Variants in NKAIN2 observed in about 807,000 individuals in gnomAD.
The protein encoded by NKAIN2 is sodium/potassium-transporting ATPase subunit beta-1-interacting protein 2.
NKAIN2 carries 14 observed loss-of-function variants against 32.6 expected under a neutral mutation model. That is an observed-to-expected ratio of 0.43 (90% CI 0.28 to 0.67). The LOEUF is 0.67. NKAIN2 is among the 30% of genes least tolerant of loss of function. The pLI is 0.17. For synonymous variants in NKAIN2, 80 were observed against 87.2 expected (o/e 0.92, Z 0.46); for missense variants, 198 against 258.3 (o/e 0.77, Z 1.60).
At chr6:124,550,590 AG>A (rs1297144736) in intron 3 of NKAIN2, among the ~76,000 whole-genome samples, 3 of 152,146 alleles carry the variant, frequency 2.0e-5, no homozygotes, top group Non-Finnish European at 2.9e-5. Flanking sequence ...TTCCAGCCAC[AG>A]GGGTTGACTT....
At chr6:124,138,189 A>G (rs1269168948) in intron 1 of NKAIN2, among the ~76,000 whole-genome samples, 1 of 152,190 alleles carries the variant, frequency 6.6e-6, no homozygotes, top group African/African-American at 2.4e-5. Flanking sequence ...GTGAATAGAC[A>G]GTTCTCAAAA....
At chr6:124,376,971 G>T (rs897978954) in intron 3 of NKAIN2, among the ~76,000 whole-genome samples, 1 of 152,074 alleles carries the variant, frequency 6.6e-6, no homozygotes, top group South Asian at 2.1e-4. Flanking sequence ...AAGGAACTTT[G>T]GTATTGTCAG....
chr6:124,355,116 A>C, intron 2 of NKAIN2, 151 bp from the exon 3 acceptor site: 1 of 525,574 alleles, frequency 1.9e-6, no homozygotes, highest in South Asian at 3.1e-5. Flanking sequence ...AACAGAGATA[A>C]ACGTACATCT....
At chr6:123,872,571 A>G (rs1040255419) in intron 1 of NKAIN2, among the ~76,000 whole-genome samples, 1 of 152,216 alleles carries the variant, frequency 6.6e-6, no homozygotes, top group African/African-American at 2.4e-5. Context: ...TTGAGGATAT[A>G]TGAGCAGACC....
At chr6:124,548,389 A>T (rs1039170049) in intron 3 of NKAIN2, among the ~76,000 whole-genome samples, 1 of 152,240 alleles carries the variant, frequency 6.6e-6, no homozygotes, top group African/African-American at 2.4e-5. Context: ...GGCAGATAAC[A>T]TAATTAAGAT....
intron 2 of NKAIN2, among the ~76,000 whole-genome samples, chr6:124,344,521 T>G (rs9385322): frequency 0.32 from 47,809 of 149,582 alleles, 8,483 homozygotes; most frequent in South Asian, 0.45. Context: ...GCAGTGGTTT[T>G]TAGTTCTCCT....
At chr6:123,877,421 T>G (rs994309145) in intron 1 of NKAIN2, among the ~76,000 whole-genome samples, 1 of 152,238 alleles carries the variant, frequency 6.6e-6, no homozygotes, top group Admixed American at 6.5e-5. Flanking sequence ...AGAATACTTA[T>G]ATTTTATGAC....
At chr6:124,665,610 A>G (rs1772760418) in intron 4 of NKAIN2, among the ~76,000 whole-genome samples, 1 of 152,184 alleles carries the variant, frequency 6.6e-6, no homozygotes, top group African/African-American at 2.4e-5. Flanking sequence ...TGTAGGGACT[A>G]CATGGTACAC....
chr6:124,516,310 T>G (rs1778912211), intron 3 of NKAIN2, among the ~76,000 whole-genome samples: 1 of 152,152 alleles, frequency 6.6e-6, no homozygotes, highest in Non-Finnish European at 1.5e-5. Context: ...GAGATGAGGT[T>G]ATTTGAGGGT....
At chr6:123,868,549 G>A (rs551594684) in intron 1 of NKAIN2, among the ~76,000 whole-genome samples, 20 of 152,238 alleles carry the variant, frequency 1.3e-4, no homozygotes, top group African/African-American at 4.6e-4. Flanking sequence ...GAGTTTCTCA[G>A]TAATACATGA....
chr6:124,285,010 G>A (rs529207317), intron 2 of NKAIN2, among the ~76,000 whole-genome samples: 91 of 152,246 alleles, frequency 6.0e-4, no homozygotes, highest in Non-Finnish European at 1.1e-3. Flanking sequence ...TCTCTGGCAT[G>A]GGATAAGAGT....
chr6:124,299,618 A>T (rs1796216291), intron 2 of NKAIN2, among the ~76,000 whole-genome samples: 1 of 152,222 alleles, frequency 6.6e-6, no homozygotes, highest in African/African-American at 2.4e-5. Context: ...ATCGTCATAG[A>T]TATTAGTATG....
chr6:124,504,435 G>T (rs1778400782), intron 3 of NKAIN2, among the ~76,000 whole-genome samples: 2 of 152,070 alleles, frequency 1.3e-5, no homozygotes, highest in Non-Finnish European at 2.9e-5. Context: ...CTTTAGCTTT[G>T]CATTAAAGTG....
At chr6:123,840,876 A>G (rs768316399) in intron 1 of NKAIN2, among the ~76,000 whole-genome samples, 7 of 152,106 alleles carry the variant, frequency 4.6e-5, no homozygotes, top group Non-Finnish European at 8.8e-5. Context: ...ATGTTAGAAA[A>G]CTTTTCAAAG....
intron 3 of NKAIN2, among the ~76,000 whole-genome samples, chr6:124,484,415 A>C (rs973592240): frequency 6.6e-6 from 1 of 152,200 alleles, no homozygotes; most frequent in Non-Finnish European, 1.5e-5. Flanking sequence ...ATTTTGAAGC[A>C]GAGATCAAAT....
intron 4 of NKAIN2, among the ~76,000 whole-genome samples, chr6:124,753,172 T>C (rs1377272688): frequency 6.6e-6 from 1 of 152,148 alleles, no homozygotes; most frequent in East Asian, 1.9e-4. Context: ...ACTGGCTTCA[T>C]GTTAGTGATT....
intron 5 of NKAIN2, among the ~76,000 whole-genome samples, chr6:124,796,628 TCTC>T (rs1780010233): frequency 6.6e-6 from 1 of 152,122 alleles, no homozygotes; most frequent in African/African-American, 2.4e-5. Flanking sequence ...CCGCTCAAGA[TCTC>T]CTGCTGTGGT....
At chr6:123,879,974 T>C (rs1773373341) in intron 1 of NKAIN2, among the ~76,000 whole-genome samples, 1 of 152,188 alleles carries the variant, frequency 6.6e-6, no homozygotes, top group East Asian at 1.9e-4. Context: ...AAGCCCAGGC[T>C]GGGGAGTCCC....
chr6:124,694,386 A>G (rs1774395882), intron 4 of NKAIN2, among the ~76,000 whole-genome samples: 1 of 152,224 alleles, frequency 6.6e-6, no homozygotes, highest in Admixed American at 6.5e-5. Flanking sequence ...AACTTTGCAT[A>G]AATTGCATAG....
Sources: gnomAD v4.1 joint callset for allele counts (sites outside exome capture counted in the v4.1 genomes callset) on GRCh38, gnomAD v4.1.1 for gene constraint, MANE v1.5 for transcripts, NCBI Gene and HGNC (gene_info 2026-07-23, HGNC 2026-07-21) for gene names.